The following SLC35B4 variants were observed in gnomAD, a reference collection of about 807,000 sequenced individuals.
SLC35B4 encodes nucleotide sugar transporter SLC35B4.
Under a neutral mutation model 39.5 loss-of-function variants are expected in SLC35B4, and 28 were observed. That is an observed-to-expected ratio of 0.71 (90% CI 0.53 to 0.97). SLC35B4 has a LOEUF of 0.97. SLC35B4 is among the 50% of genes least tolerant of loss of function. The pLI is 0.00. For synonymous variants in SLC35B4, 145 were observed against 150.4 expected, an observed-to-expected ratio of 0.96 and a Z score of 0.26; for missense variants, 334 against 414.3, an observed-to-expected ratio of 0.81 and a Z score of 1.68.
intron 1 of SLC35B4, among the ~76,000 whole-genome samples, chr7:134,311,383 G>A (rs895685820): frequency 1.3e-5 from 2 of 152,108 alleles, no homozygotes; most frequent in African/African-American, 4.8e-5. Context: ...TCGGCACGGT[G>A]GCTGGCTCAC....
chr7:134,316,699 A>C lies in SLC35B4; in HGVS notation c.53T>G (p.Val18Gly), dbSNP rs1184476040. 6.4e-7 allele frequency: 1 copy of C among 1,550,654 alleles called. No homozygotes were observed. The highest frequency in any genetic ancestry group is 8.7e-7 in the Non-Finnish European group (1 of 1,146,774). ...CCGGGCCAGGAGCTCTAGGAAGATC[A>C]CGTTACTGCAGCAGCCTGCGAACAC... ...GLVFAGCCSN[V>G]IFLELLARKH... The change falls in exon 1 of 10, where the codon GTG becomes GGG. Residue 18 changes from valine to glycine, a missense_variant. Transcript: ENST00000378509.
chr7:134,317,170 C>G (rs1324131654), upstream of SLC35B4: 1 of 182,000 alleles, frequency 5.5e-6, no homozygotes, highest in Admixed American at 5.9e-5. Flanking sequence ...CTTGCGAGAC[C>G]GCCCAGAGCG....
intron 4 of SLC35B4, among the ~76,000 whole-genome samples, chr7:134,304,441 T>C (rs1803661856): frequency 6.6e-6 from 1 of 152,182 alleles, no homozygotes; most frequent in Admixed American, 6.5e-5. Context: ...AGACACTAAA[T>C]ATTTAATTTT....
chr7:134,302,451 T>A (rs879815896), intron 4 of SLC35B4, among the ~76,000 whole-genome samples: 7 of 152,220 alleles, frequency 4.6e-5, no homozygotes, highest in African/African-American at 7.2e-5. Flanking sequence ...CTTACTAGGA[T>A]CTGTTGCTTT....
chr7:134,300,317 T>G, intron 6 of SLC35B4, 56 bp from the exon 7 acceptor site: 1 of 1,265,636 alleles, frequency 7.9e-7, no homozygotes, highest in Non-Finnish European at 1.1e-6. Context: ...TCCAGATGTT[T>G]TTCTTGAAGA....
At chr7:134,301,987 A>C (rs777904176) in intron 5 of SLC35B4, 42 bp downstream of exon 5, 1 of 1,588,488 alleles carries the variant, frequency 6.3e-7, no homozygotes, top group South Asian at 1.1e-5. Context: ...ACTGGGCCCC[A>C]ATAGCAAGTA....
intron 6 of SLC35B4, among the ~76,000 whole-genome samples, chr7:134,300,606 T>A (rs189010107): frequency 7.7e-4 from 118 of 152,320 alleles, no homozygotes; most frequent in Admixed American, 1.4e-3. Context: ...ATGATATGGA[T>A]GTAGCACACT....
rs1803338018 is a variant in SLC35B4, at chr7:134,291,857, T to C, written c.*2976A>G. 6.6e-6 allele frequency: 1 copy of C among 151,928 alleles called. No homozygotes were observed. The highest frequency in any genetic ancestry group is 6.6e-5 in the Admixed American group (1 of 15,248). The allele number at this position is 151,928 out of a possible 1,614,324, so 9.4% of individuals were successfully genotyped here. ...ACATGTTTCTAATATGACAATAGAGTTTTGGCCAAAGATATGTAGACATTA... is the reference window on the plus strand; with the variant it reads ...ACATGTTTCTAATATGACAATAGAGCTTTGGCCAAAGATATGTAGACATTA... On this transcript the variant is annotated 3_prime_UTR_variant, in exon 10 of 10. Coordinates refer to ENST00000378509, the MANE Select transcript of SLC35B4 (RefSeq NM_032826.5).
At chr7:134,313,680 T>C (rs1434735551) in intron 1 of SLC35B4, among the ~76,000 whole-genome samples, 1 of 152,240 alleles carries the variant, frequency 6.6e-6, no homozygotes, top group Non-Finnish European at 1.5e-5. Context: ...TGTCCTCTTC[T>C]TCCTGCAAGT....
At chr7:134,306,339 T>G (rs1385627703) in intron 3 of SLC35B4, among the ~76,000 whole-genome samples, 1 of 151,508 alleles carries the variant, frequency 6.6e-6, no homozygotes, top group Admixed American at 6.6e-5. Context: ...GAAGAAGAGA[T>G]AAGAAATAAG....
chr7:134,299,574 C>T lies in SLC35B4; in HGVS notation c.622G>A (p.Val208Ile), dbSNP rs749536804. 2.2e-5 allele frequency: 35 copies of T among 1,613,580 alleles called. No homozygotes were observed. Among genetic ancestry groups the T allele is most frequent in the Non-Finnish European group, 2.5e-5 (30 of 1,179,832 alleles). The change falls in exon 8 of 10, where the codon GTC (valine) becomes ATC (isoleucine). Residue 208 changes from valine (V) to isoleucine (I), a missense_variant. Transcript: ENST00000378509. ...TCATAAATATCAGAAGCCAAGAAGA[C>T]GAAACCCGGAAGTGGAAGGGCGTGC... The part of the protein sequence containing the change: ...YNHALPLPGF[V>I]FLASDIYDHA...
Position 134,316,909 on chromosome 7 carries a change from G to A in SLC35B4, c.-158C>T, listed in dbSNP as rs1186283455. 3 of 651,168 alleles carry A rather than the reference G, an allele frequency of 4.6e-6. No homozygotes were observed. The highest frequency in any genetic ancestry group is 5.6e-5 in the Admixed American group (2 of 35,816). 40.3% of individuals were successfully genotyped at this position (651,168 alleles called of 1,614,324 possible). On this transcript the variant is annotated 5_prime_UTR_variant, in exon 1 of 10. Coordinates refer to ENST00000378509, the MANE Select transcript of SLC35B4 (RefSeq NM_032826.5). ...CCGCCGCGGTCTCCCCTTCTCCCGC[G>A]GCCAACACCGACGCTGCCAAGAAGC...
rs535687986 is a variant in SLC35B4 at position 134,291,779 on chromosome 7, G to A, written c.*3054C>T. ...TACATTACAGTTGTTTTAGTTGGACGAAAAAGAAAACAAAGAATCAAAAAT... is the reference window on the plus strand; with the variant it reads ...TACATTACAGTTGTTTTAGTTGGACAAAAAAGAAAACAAAGAATCAAAAAT... On this transcript the variant is annotated 3_prime_UTR_variant, in exon 10 of 10. Coordinates refer to ENST00000378509, the MANE Select transcript of SLC35B4 (RefSeq NM_032826.5). 3 of 152,262 alleles carry A rather than the reference G, an allele frequency of 2.0e-5. No homozygotes were observed. The highest frequency in any genetic ancestry group is 4.2e-4 in the South Asian group (2 of 4,818). 9.4% of individuals were successfully genotyped at this position (152,262 alleles called of 1,614,324 possible). A position where few individuals can be genotyped will look rare whatever the true frequency, so the allele number is the denominator to read the frequency against.
rs1472500902 is a variant in SLC35B4 at position 134,291,224 on chromosome 7, C to T, written c.*3609G>A. On this transcript the variant is annotated 3_prime_UTR_variant, in exon 10 of 10. Coordinates refer to ENST00000378509, the MANE Select transcript of SLC35B4 (RefSeq NM_032826.5). ...TTCTACATTAACCCTTCACATTCATCGTCATCTACAGATATGGCATTCACA... is the reference window on the plus strand; with the variant it reads ...TTCTACATTAACCCTTCACATTCATTGTCATCTACAGATATGGCATTCACA... 2.0e-5 allele frequency: 3 copies of T among 152,182 alleles called. No homozygotes were observed. The highest frequency in any genetic ancestry group is 4.8e-5 in the African/African-American group (2 of 41,434). 9.4% of individuals were successfully genotyped at this position (152,182 alleles called of 1,614,324 possible). A position where few individuals can be genotyped will look rare whatever the true frequency, so the allele number is the denominator to read the frequency against.
rs1469245770 is a variant in SLC35B4, at chr7:134,290,880, T to C, written c.*3953A>G. 6.6e-6 allele frequency: 1 copy of C among 152,200 alleles called. No individual in the cohort carries two copies. The highest frequency in any genetic ancestry group is 2.4e-5 in the African/African-American group (1 of 41,458). 9.4% of individuals were successfully genotyped at this position (152,200 alleles called of 1,614,324 possible). ...AAATACAACAGACATAGGATCTTGA[T>C]TTCAACGTAGTTCTCCTCCATGTGC... On this transcript the variant is annotated 3_prime_UTR_variant, in exon 10 of 10. Transcript: ENST00000378509.
intron 1 of SLC35B4, among the ~76,000 whole-genome samples, chr7:134,312,136 G>A (rs1326916203): frequency 1.3e-5 from 2 of 152,148 alleles, no homozygotes; most frequent in Non-Finnish European, 2.9e-5. Context: ...ATGATGACCA[G>A]TATTTAGGAT....
intron 3 of SLC35B4, 26 bp downstream of exon 3, chr7:134,306,646 T>C (rs780838441): frequency 3.0e-5 from 47 of 1,577,814 alleles, no homozygotes; most frequent in Non-Finnish European, 8.7e-7. Flanking sequence ...CAGAGGAACA[T>C]ATACACGTGA....
rs759834218 is a variant in SLC35B4 at position 134,289,620 on chromosome 7, AATC to A, written c.*5210_*5212del. The A allele has an allele frequency of 6.6e-6, 1 of 152,572 alleles. No individual in the cohort carries two copies. Among genetic ancestry groups the A allele is most frequent in the Non-Finnish European group, 1.5e-5 (1 of 68,032 alleles). 9.5% of individuals were successfully genotyped at this position (152,572 alleles called of 1,614,324 possible). On this transcript the variant is annotated 3_prime_UTR_variant, in exon 10 of 10. Coordinates refer to ENST00000378509, the MANE Select transcript of SLC35B4 (RefSeq NM_032826.5). ...ATTTGTTAGGAAATCCTACTTCTAAAATCATCATCTTTTTTTGGAGAATGAGGC... is the reference window on the plus strand; with the variant it reads ...ATTTGTTAGGAAATCCTACTTCTAAAATCATCTTTTTTTGGAGAATGAGGC...
chr7:134,309,217 C>T, intron 2 of SLC35B4, 149 bp downstream of exon 2: 2 of 563,976 alleles, frequency 3.5e-6, no homozygotes, highest in African/African-American at 1.9e-5. Flanking sequence ...ATTTTCACAA[C>T]ATATTAAATT....
Sources: allele counts gnomAD v4.1 joint callset (sites outside exome capture counted in the v4.1 genomes callset), GRCh38; gene constraint gnomAD v4.1.1; transcripts MANE v1.5; gene names NCBI Gene and HGNC (gene_info 2026-07-23, HGNC 2026-07-21).